DPY30: variants seen among roughly 807,000 people sequenced by gnomAD.
DPY30 encodes dpy-30 histone methyltransferase complex regulatory subunit.
Under a neutral mutation model 16.2 loss-of-function variants are expected in DPY30, and 6 were observed. The observed-to-expected ratio is 0.37, with a 90% CI of 0.20 to 0.73. The LOEUF (loss-of-function observed/expected upper bound fraction) is 0.73, where lower values mean the gene tolerates loss of function less well. Among genes scored for constraint, DPY30 ranks in the 30% least tolerant of loss-of-function variants. The pLI is 0.51. For synonymous variants in DPY30, 39 were observed against 38.8 expected (o/e 1.00, Z -0.02); for missense variants, 73 against 113.1 (o/e 0.65, Z 1.61).
intron 3 of DPY30, among the ~76,000 whole-genome samples, chr2:32,033,314 A>T (rs1675613581): frequency 6.6e-6 from 1 of 151,878 alleles, no homozygotes; most frequent in South Asian, 2.1e-4. Flanking sequence ...TCTCAAAAAA[A>T]GAAAAAAAAT....
chr2:32,023,733 G>GA (rs1378255732), downstream of DPY30: 3 of 1,304,302 alleles, frequency 2.3e-6, no homozygotes, highest in African/African-American at 4.6e-5. Flanking sequence ...GAAAGGTCCA[G>GA]AAACAATGCT....
At chr2:32,022,931 A>G (rs1222259782), downstream of DPY30, among the ~76,000 whole-genome samples, 1 of 152,152 alleles carries the variant, frequency 6.6e-6, no homozygotes, top group Non-Finnish European at 1.5e-5. Context: ...ATTTTAAGCT[A>G]GATAATTCTT....
At chr2:32,039,814 GC>G (rs934547083), upstream of DPY30, 37 of 340,570 alleles carry the variant, frequency 1.1e-4, no homozygotes, top group Middle Eastern at 8.9e-4. Flanking sequence ...GTAAGTGACG[GC>G]TGTCGCACGA....
downstream of DPY30, chr2:32,023,391 T>C: frequency 2.1e-6 from 1 of 465,982 alleles, no homozygotes; most frequent in Non-Finnish European, 4.4e-6. Flanking sequence ...AACACATTGG[T>C]AGAACAGGAT....
chr2:32,019,696 T>G (rs1053965292), downstream of DPY30, among the ~76,000 whole-genome samples: 1 of 151,156 alleles, frequency 6.6e-6, no homozygotes, highest in African/African-American at 2.4e-5. Flanking sequence ...GGTGTGCGCC[T>G]GTAATCCCAG....
intron 5 of DPY30, among the ~76,000 whole-genome samples, chr2:32,018,719 C>CA (rs1033830102): frequency 9.8e-4 from 136 of 138,440 alleles, no homozygotes; most frequent in African/African-American, 2.3e-3. Flanking sequence ...GACTCCATCT[C>CA]AAAAAAAAAA....
chr2:32,032,216 A>T (rs1675568797), intron 3 of DPY30, among the ~76,000 whole-genome samples: 2 of 152,196 alleles, frequency 1.3e-5, no homozygotes, highest in African/African-American at 2.4e-5. Context: ...ATAATTTTCT[A>T]TGAAATACAA....
chr2:32,030,080 A>AT (rs1362119846), intron 3 of DPY30, among the ~76,000 whole-genome samples: 36 of 149,960 alleles, frequency 2.4e-4, no homozygotes, highest in African/African-American at 7.4e-4. Context: ...AAAAAAAAAA[A>AT]AATAATGAAT....
chr2:32,038,439 G>T, intron 3 of DPY30, among the ~76,000 whole-genome samples: 1 of 144,162 alleles, frequency 6.9e-6, no homozygotes. Context: ...AGGGAAATAG[G>T]GACAGGGTCA....
At chr2:32,034,134 A>T (rs149794877) in intron 3 of DPY30, among the ~76,000 whole-genome samples, 2,258 of 152,322 alleles carry the variant, frequency 0.015, 27 homozygotes, top group Non-Finnish European at 0.02. Flanking sequence ...GAAAGAGACT[A>T]AACATATTGC....
chr2:32,017,615 C>CA (rs59826181), intron 5 of DPY30, among the ~76,000 whole-genome samples: 5 of 134,264 alleles, frequency 3.7e-5, no homozygotes, highest in South Asian at 2.4e-4. Flanking sequence ...AACACCATCT[C>CA]AAAAAAAAAA....
chr2:32,036,114 A>T (rs981607092), intron 3 of DPY30, among the ~76,000 whole-genome samples: 2 of 150,560 alleles, frequency 1.3e-5, no homozygotes, highest in African/African-American at 4.9e-5. Flanking sequence ...TCTCCTGAGT[A>T]GCTGGTACTA....
At position 32,024,251 on chromosome 2, in the gene DPY30, G is replaced by A. The variant is rs1675253699; in HGVS notation, c.233C>T (p.Pro78Leu). Residue 78 changes from proline (P) to leucine (L), a missense_variant, in exon 5 of 5, where the codon CCA (proline) becomes CTA (leucine). By Grantham distance (98) the Pro-to-Leu change is moderately conservative. This residue lies in a region of DPY30 where 20 missense variants were observed against 25.3 expected (regional missense o/e 0.79). Coordinates refer to ENST00000342166, the MANE Select transcript of DPY30 (RefSeq NM_001321209.2). The stretch of plus-strand genomic sequence containing the variant: ...AGATGCTAGAAATTCAATGGGATTT[G>A]GTGGTCTGTAAGGGAAAAGAAATCC... The part of the protein sequence containing the change: ...GLAVLAKERP[P>L]NPIEFLASYL... The A allele has an allele frequency of 6.2e-7, 1 of 1,609,510 alleles. No individual in the cohort carries two copies. The highest frequency in any genetic ancestry group is 8.5e-7 in the Non-Finnish European group (1 of 1,176,738).
chr2:32,037,859 C>A (rs1325645903), intron 3 of DPY30, among the ~76,000 whole-genome samples: 1 of 151,466 alleles, frequency 6.6e-6, no homozygotes, highest in Non-Finnish European at 1.5e-5. Context: ...AGCCTGTATG[C>A]TTTATTAAAA....
In DPY30 at chr2:32,031,880, G is replaced by A. The variant is rs148345805; in HGVS notation, c.85-2144C>T. Among the ~76,000 whole-genome samples, 1,144 of 151,376 alleles carry A rather than the reference G, an allele frequency of 7.6e-3. 17 individuals carry two copies. The highest frequency in any genetic ancestry group is 0.025 in the African/African-American group (1,030 of 41,234). On this transcript the variant is annotated intron_variant, in intron 3 of 4. Transcript: ENST00000342166. The stretch of plus-strand genomic sequence containing the variant: ...TGCACTCCAGCCTGGGTGACAGAGC[G>A]AGACTCTGTCTCAAAAAAATAAAAA...
intron 3 of DPY30, among the ~76,000 whole-genome samples, chr2:32,032,388 C>A (rs575208585): frequency 6.6e-6 from 1 of 152,326 alleles, no homozygotes; most frequent in African/African-American, 2.4e-5. Context: ...TATACAACTT[C>A]ATTATTTCTG....
intron 5 of DPY30, among the ~76,000 whole-genome samples, chr2:32,017,380 G>A (rs1675085389): frequency 6.6e-6 from 1 of 151,870 alleles, no homozygotes; most frequent in African/African-American, 2.4e-5. Context: ...ACTTTGGGAG[G>A]CCAAGGCGGG....
In DPY30 at chr2:32,024,169, G is replaced by C. The variant is rs371939601; in HGVS notation, c.*15C>G. On this transcript the variant is annotated 3_prime_UTR_variant, in exon 5 of 5. Coordinates refer to ENST00000342166, the MANE Select transcript of DPY30 (RefSeq NM_001321209.2). ...TCTACAGTAGCAACTAAATTTTTCT[G>C]TTCTTCCCATTAAGTCAGTTTCGAT... 1.8e-5 allele frequency: 29 copies of C among 1,608,252 alleles called. No homozygotes were observed. Among genetic ancestry groups the C allele is most frequent in the Non-Finnish European group, 2.4e-5 (28 of 1,177,300 alleles).
intron 4 of DPY30, among the ~76,000 whole-genome samples, chr2:32,028,851 T>TGGC (rs1486055413): frequency 6.6e-6 from 1 of 151,424 alleles, no homozygotes; most frequent in Non-Finnish European, 1.5e-5. Flanking sequence ...TAATCCCAGC[T>TGGC]ACTCGGTAGA....
Sources: allele counts gnomAD v4.1 joint callset (sites outside exome capture counted in the v4.1 genomes callset), GRCh38; gene constraint gnomAD v4.1.1; regional missense constraint gnomAD v4.1.1; transcripts MANE v1.5; gene names NCBI Gene and HGNC (gene_info 2026-07-23, HGNC 2026-07-21).